The following EFR3B variants were observed in gnomAD, a reference collection of about 807,000 sequenced individuals.
EFR3B encodes the protein EFR3 homolog B, also known as protein EFR3 homolog B.
Under a neutral mutation model 104.7 loss-of-function variants are expected in EFR3B, and 64 were observed. The ratio of observed to expected loss-of-function variants is 0.61; its 90% confidence interval spans 0.50 to 0.75. EFR3B has a LOEUF of 0.75. EFR3B is among the 30% of genes least tolerant of loss of function. The pLI, the probability that EFR3B is intolerant of heterozygous loss-of-function variation, is 0.00. For synonymous variants in EFR3B, 385 were observed against 417.9 expected, an observed-to-expected ratio of 0.92 and a Z score of 0.96; for missense variants, 750 against 1,078.5, an observed-to-expected ratio of 0.70 and a Z score of 4.27.
At chr2:25,063,861 C>T (rs761210931) in intron 1 of EFR3B, among the ~76,000 whole-genome samples, 1 of 152,186 alleles carries the variant, frequency 6.6e-6, no homozygotes, top group Non-Finnish European at 1.5e-5. Flanking sequence ...CAGGAGCTGT[C>T]TCTTTCCAGC....
In EFR3B at chr2:25,066,295, C is replaced by T. The variant is rs1222658159; in HGVS notation, c.7+23976C>T. 5.9e-5 allele frequency among the ~76,000 whole-genome samples: 9 copies of T among 152,258 alleles called. No homozygotes were observed. The South Asian group carries it at 8.3e-4, about 14-fold the overall frequency. ...TTATCCACTGGAAGTAGATTCCTTA[C>T]GCATTCTAAGAGCACAATAGAAGGT... is the stretch of plus-strand genomic sequence containing the variant. On this transcript the variant is annotated intron_variant, in intron 1 of 22. Coordinates refer to ENST00000403714, the MANE Select transcript of EFR3B (RefSeq NM_014971.2).
intron 4 of EFR3B, among the ~76,000 whole-genome samples, chr2:25,121,384 T>C (rs1192720157): frequency 6.6e-6 from 1 of 152,232 alleles, no homozygotes; most frequent in African/African-American, 2.4e-5. Context: ...GATGGAGCGA[T>C]GAGGGCAGGT....
intron 1 of EFR3B, among the ~76,000 whole-genome samples, chr2:25,072,262 C>G (rs1668520329): frequency 2.3e-5 from 1 of 43,178 alleles, no homozygotes; most frequent in Non-Finnish European, 4.3e-5. Flanking sequence ...ACCACCCTGG[C>G]TCCAGCCCTT....
intron 17 of EFR3B, among the ~76,000 whole-genome samples, chr2:25,142,260 T>C (rs1670690154): frequency 6.6e-6 from 1 of 151,908 alleles, no homozygotes; most frequent in African/African-American, 2.4e-5. Context: ...CTGGCCAACA[T>C]GGTGAAACCC....
chr2:25,131,431 G>A lies in EFR3B; in HGVS notation c.913G>A (p.Ala305Thr), dbSNP rs1670330144. The change falls in exon 9 of 23, where the codon GCT (alanine) becomes ACT (threonine). Residue 305 changes from alanine to threonine, a missense_variant. Coordinates refer to ENST00000403714, the MANE Select transcript of EFR3B (RefSeq NM_014971.2). The surrounding 1 kb of genome is among the most constrained non-coding windows in gnomAD (Gnocchi z 7.6). Reference sequence around the variant, plus strand: ...CCACCTGGACGCCAACAGCCGCAGCGCTGCGACGGTGCGCGCGGGCATCGT... The same window carrying A: ...CCACCTGGACGCCAACAGCCGCAGCACTGCGACGGTGCGCGCGGGCATCGT... ...LGHLDANSRS[A>T]ATVRAGIVEV... is the part of the protein sequence containing the mutation. 1 of 1,550,838 alleles carries A rather than the reference G, an allele frequency of 6.4e-7. No homozygotes were observed. Among genetic ancestry groups the A allele is most frequent in the Non-Finnish European group, 8.7e-7 (1 of 1,146,870 alleles).
Position 25,154,421 on chromosome 2 carries a change from T to G in EFR3B, c.*81T>G. On this transcript the variant is annotated 3_prime_UTR_variant, in exon 23 of 23. Transcript: ENST00000403714. The surrounding 1 kb of genome is among the most constrained non-coding windows in gnomAD (Gnocchi z 4.1). ...CGCCCACCCCGACCACATGGAGATC[T>G]GGCTGTGATCTCTGAGAAAACATCA... 1 of 1,275,008 alleles carries G rather than the reference T, an allele frequency of 7.8e-7. No homozygotes were observed. The highest frequency in any genetic ancestry group is 1.1e-6 in the Non-Finnish European group (1 of 906,194). 79.0% of individuals were successfully genotyped at this position (1,275,008 alleles called of 1,614,324 possible). A position where few individuals can be genotyped will look rare whatever the true frequency, so the allele number is the denominator to read the frequency against.
At chr2:25,089,619 G>A (rs988703849) in intron 1 of EFR3B, among the ~76,000 whole-genome samples, 1 of 152,106 alleles carries the variant, frequency 6.6e-6, no homozygotes, top group Non-Finnish European at 1.5e-5. Context: ...TAAACCCTGG[G>A]CTTCCAGGCC....
chr2:25,059,303 C>T (rs1267607273), intron 1 of EFR3B, among the ~76,000 whole-genome samples: 1 of 151,936 alleles, frequency 6.6e-6, no homozygotes, highest in Admixed American at 6.6e-5. Context: ...AGGCTGGTCT[C>T]GATCTCCTGA....
chr2:25,067,269 C>T (rs575373475), intron 1 of EFR3B, among the ~76,000 whole-genome samples: 2 of 152,288 alleles, frequency 1.3e-5, no homozygotes, highest in African/African-American at 2.4e-5. Flanking sequence ...CGGTGACCAG[C>T]GTTAACACTG....
At chr2:25,051,458 A>G (rs1485850222) in intron 1 of EFR3B, among the ~76,000 whole-genome samples, 1 of 151,756 alleles carries the variant, frequency 6.6e-6, no homozygotes, top group African/African-American at 2.4e-5. Flanking sequence ...GAGATCTTTC[A>G]CTGAAAAGCT....
intron 1 of EFR3B, among the ~76,000 whole-genome samples, chr2:25,045,526 T>A (rs1667690133): frequency 6.6e-6 from 1 of 152,130 alleles, no homozygotes; most frequent in South Asian, 2.1e-4. Context: ...TCACGCCTGT[T>A]ATCCCAGCAC....
At chr2:25,124,556 C>T (rs1670112406) in intron 5 of EFR3B, among the ~76,000 whole-genome samples, 1 of 151,486 alleles carries the variant, frequency 6.6e-6, no homozygotes, top group East Asian at 1.9e-4. Flanking sequence ...CACGGTGAAA[C>T]CCCTATTTAG....
chr2:25,118,724 T>TAAAA (rs1208806738), intron 4 of EFR3B, among the ~76,000 whole-genome samples: 28 of 9,032 alleles, frequency 3.1e-3, no homozygotes, highest in Non-Finnish European at 7.1e-3. Context: ...ACCCTGTCTC[T>TAAAA]ACAAAAAAAA....
intron 16 of EFR3B, 21 bp from the exon 17 acceptor site, chr2:25,141,345 C>G: frequency 6.4e-7 from 1 of 1,550,684 alleles, no homozygotes; most frequent in Non-Finnish European, 8.7e-7. Flanking sequence ...CAGCTCTTAT[C>G]TGATTCCTCC....
Position 25,042,096 on chromosome 2 carries a change from G to A in EFR3B, c.-217G>A. The A allele has an allele frequency of 9.4e-6, 3 of 320,358 alleles. No individual in the cohort carries two copies. The highest frequency in any genetic ancestry group is 5.6e-6 in the Non-Finnish European group (1 of 180,102). The allele number at this position is 320,358 out of a possible 1,614,324, so 19.8% of individuals were successfully genotyped here. A position where few individuals can be genotyped will look rare whatever the true frequency, so the allele number is the denominator to read the frequency against. On this transcript the variant is annotated 5_prime_UTR_variant, in exon 1 of 23. Transcript: ENST00000403714. The surrounding 1 kb of genome is among the most constrained non-coding windows in gnomAD (Gnocchi z 5.4). ...CGCGCAGCAGTGCCCAGCAACCCGA[G>A]CGGAGGCGGCCGCTGCAGCCCGGCG... is the stretch of plus-strand genomic sequence containing the variant.
Position 25,131,317 on chromosome 2 carries a change from C to T in EFR3B, c.850-51C>T. ...GGTGCCAGGAGAGGGCTGCGCAGCC[C>T]AGGGACCCCGTGGGGTTGCTGTCCA... On this transcript the variant is annotated intron_variant, in intron 8 of 22. Transcript: ENST00000403714. This position sits in a 1 kb window ranked among gnomAD's most constrained non-coding sequence, Gnocchi z 7.6. 3 of 1,538,548 alleles carry T rather than the reference C, an allele frequency of 1.9e-6. No homozygotes were observed. The highest frequency in any genetic ancestry group is 2.6e-6 in the Non-Finnish European group (3 of 1,139,142).
At chr2:25,109,377 A>T (rs1315278703) in intron 4 of EFR3B, among the ~76,000 whole-genome samples, 1 of 152,224 alleles carries the variant, frequency 6.6e-6, no homozygotes, top group Non-Finnish European at 1.5e-5. Context: ...AAGATGGCAA[A>T]TGTTTGCAAG....
In EFR3B at chr2:25,067,815, A is replaced by G. The variant is rs770516327; in HGVS notation, c.8-23510A>G. On this transcript the variant is annotated intron_variant, in intron 1 of 22. Coordinates refer to ENST00000403714, the MANE Select transcript of EFR3B (RefSeq NM_014971.2). ...CCCTGCCTTATTTAGCCAGCCCTCT[A>G]TTTTCTTTTTTAATGTTAAAACTTT... Among the ~76,000 whole-genome samples the G allele has an allele frequency of 1.0e-3, 154 of 150,660 alleles. 1 individual carries two copies. The highest frequency in any genetic ancestry group is 2.1e-3 in the Non-Finnish European group (139 of 67,698).
At chr2:25,053,324 G>C (rs909914305) in intron 1 of EFR3B, among the ~76,000 whole-genome samples, 3 of 152,198 alleles carry the variant, frequency 2.0e-5, no homozygotes, top group Non-Finnish European at 4.4e-5. Flanking sequence ...GGACCACAAT[G>C]AGGATAGGTC....
Sources: gnomAD v4.1 joint callset for allele counts (sites outside exome capture counted in the v4.1 genomes callset) on GRCh38, gnomAD v4.1.1 for gene constraint, Gnocchi (gnomAD v3.1) non-coding constraint, MANE v1.5 for transcripts, NCBI Gene and HGNC (gene_info 2026-07-23, HGNC 2026-07-21) for gene names.